The following LRCH1 variants were observed in gnomAD, a reference collection of about 807,000 sequenced individuals.
LRCH1 encodes leucine-rich repeat and calponin homology domain-containing protein 1.
In LRCH1, 23 loss-of-function variants were observed where a neutral mutation model predicts 94.9. That is an observed-to-expected ratio of 0.24 (90% CI 0.17 to 0.34). The LOEUF (loss-of-function observed/expected upper bound fraction) is 0.34, where lower values mean the gene tolerates loss of function less well. LRCH1 is among the 10% of genes least tolerant of loss of function. The pLI is 1.00. For missense variants in LRCH1, 790 were observed against 945.9 expected (o/e 0.84, Z 2.16); for synonymous variants, 364 against 354.9 (o/e 1.03, Z -0.29).
At chr13:46,564,318 G>A (rs1481987323) in intron 1 of LRCH1, among the ~76,000 whole-genome samples, 1 of 152,174 alleles carries the variant, frequency 6.6e-6, no homozygotes, top group Non-Finnish European at 1.5e-5. Context: ...AACCCACAAA[G>A]CCCTGTTTAA....
intron 19 of LRCH1, among the ~76,000 whole-genome samples, chr13:46,737,162 T>C (rs917208071): frequency 6.6e-6 from 1 of 152,152 alleles, no homozygotes; most frequent in Non-Finnish European, 1.5e-5. Flanking sequence ...TTCTCTAATA[T>C]CCAGGAAACA....
At chr13:46,673,913 T>C (rs762830059) in intron 3 of LRCH1, among the ~76,000 whole-genome samples, 4 of 152,190 alleles carry the variant, frequency 2.6e-5, no homozygotes, top group Admixed American at 2.0e-4. Context: ...CCCAACTAGC[T>C]GGGACTACAG....
intron 2 of LRCH1, among the ~76,000 whole-genome samples, chr13:46,657,500 C>CT (rs67588975): frequency 8.8e-5 from 1 of 11,392 alleles, no homozygotes; most frequent in Non-Finnish European, 1.6e-4. Flanking sequence ...CTTTTCTTTT[C>CT]TTTTTTTTTT....
chr13:46,591,996 C>A (rs548597053), intron 1 of LRCH1, among the ~76,000 whole-genome samples: 12 of 152,244 alleles, frequency 7.9e-5, no homozygotes, highest in Admixed American at 5.9e-4. Context: ...GTATTGGAAT[C>A]AAAAATAGAG....
chr13:46,737,756 T>C (rs1873455891), intron 19 of LRCH1, among the ~76,000 whole-genome samples: 1 of 152,208 alleles, frequency 6.6e-6, no homozygotes, highest in African/African-American at 2.4e-5. Flanking sequence ...CTCTTGGAGA[T>C]TCCTGACCTC....
At chr13:46,633,846 C>T (rs548332458) in intron 1 of LRCH1, among the ~76,000 whole-genome samples, 1 of 151,766 alleles carries the variant, frequency 6.6e-6, no homozygotes, top group East Asian at 1.9e-4. Flanking sequence ...TCCTCTCTCC[C>T]ACCATCACCT....
chr13:46,699,516 A>C, intron 10 of LRCH1, 113 bp downstream of exon 10: 1 of 879,072 alleles, frequency 1.1e-6, no homozygotes, highest in South Asian at 1.5e-5. Context: ...GCAAGCTGAT[A>C]TTCTTACAGA....
intron 1 of LRCH1, among the ~76,000 whole-genome samples, chr13:46,605,632 TG>T (rs1194580295): frequency 1.3e-5 from 2 of 152,230 alleles, no homozygotes; most frequent in Non-Finnish European, 2.9e-5. Context: ...TAAATATTTT[TG>T]TTGGGGATTC....
At chr13:46,634,409 A>G (rs1028675781) in intron 1 of LRCH1, among the ~76,000 whole-genome samples, 7 of 152,154 alleles carry the variant, frequency 4.6e-5, no homozygotes, top group East Asian at 1.9e-4. Context: ...CATGGCCTCT[A>G]GAGCTGGCTC....
intron 1 of LRCH1, among the ~76,000 whole-genome samples, chr13:46,557,743 T>C (rs2137892924): frequency 6.6e-6 from 1 of 152,072 alleles, no homozygotes; most frequent in East Asian, 2.0e-4. Context: ...CTCAGGAGGC[T>C]GAGGTGGGAG....
At chr13:46,747,181 G>A (rs972552103), downstream of LRCH1, among the ~76,000 whole-genome samples, 2 of 152,008 alleles carry the variant, frequency 1.3e-5, no homozygotes, top group Admixed American at 6.5e-5. Context: ...GGAGGATCTC[G>A]GACTCTGCAC....
intron 5 of LRCH1, among the ~76,000 whole-genome samples, chr13:46,687,093 G>A (rs1180021700): frequency 6.6e-6 from 1 of 151,396 alleles, no homozygotes; most frequent in Non-Finnish European, 1.5e-5. Flanking sequence ...TGAGTAGCTG[G>A]GACTACAGGC....
chr13:46,684,850 TGA>T (rs1870524852), intron 4 of LRCH1, among the ~76,000 whole-genome samples: 1 of 152,224 alleles, frequency 6.6e-6, no homozygotes, highest in Non-Finnish European at 1.5e-5. Flanking sequence ...CCTTGAATTC[TGA>T]GAGAGGTACT....
rs139951970 is a variant in LRCH1, at chr13:46,586,074, C to T, written c.307+32371C>T. Among the ~76,000 whole-genome samples the T allele has an allele frequency of 5.9e-5, 9 of 152,190 alleles. No individual in the cohort carries two copies. The East Asian group carries it at 1.7e-3, about 29-fold the overall frequency. ...TTTTGAGTTTTATAACTTTAAAAGCCTCGTGCATTCTTTTCACAGCTTCCA... is the reference window on the plus strand; with the variant it reads ...TTTTGAGTTTTATAACTTTAAAAGCTTCGTGCATTCTTTTCACAGCTTCCA... On this transcript the variant is annotated intron_variant, in intron 1 of 19. Transcript: ENST00000389797.
chr13:46,587,854 T>C lies in LRCH1; in HGVS notation c.307+34151T>C, dbSNP rs186012071. Among the ~76,000 whole-genome samples, 523 of 152,346 alleles carry C rather than the reference T, an allele frequency of 3.4e-3. 1 individual carries two copies. The highest frequency in any genetic ancestry group is 0.012 in the African/African-American group (497 of 41,570). On this transcript the variant is annotated intron_variant, in intron 1 of 19. Transcript: ENST00000389797. ...ACAGTGAAAATTCATATAGCACTTA[T>C]TATACACAGTGTATGAAATTAATAA...
chr13:46,712,387 T>G, intron 14 of LRCH1, 138 bp from the exon 15 acceptor site: 1 of 649,312 alleles, frequency 1.5e-6, no homozygotes, highest in Non-Finnish European at 2.7e-6. Context: ...TGATTTTTTT[T>G]GGCCAGGACT....
chr13:46,620,167 T>G (rs1387266937), intron 1 of LRCH1, among the ~76,000 whole-genome samples: 1 of 152,166 alleles, frequency 6.6e-6, no homozygotes, highest in Non-Finnish European at 1.5e-5. Flanking sequence ...CCCAGTGGCC[T>G]ATCCCCAGGC....
At chr13:46,659,940 C>T (rs1264481208) in intron 2 of LRCH1, among the ~76,000 whole-genome samples, 1 of 151,188 alleles carries the variant, frequency 6.6e-6, no homozygotes, top group African/African-American at 2.4e-5. Context: ...CAGTTGTTTA[C>T]AGAATTCTTA....
chr13:46,615,621 A>T (rs2138011926), intron 1 of LRCH1, among the ~76,000 whole-genome samples: 1 of 152,202 alleles, frequency 6.6e-6, no homozygotes, highest in Admixed American at 6.5e-5. Context: ...CTTCATCAAG[A>T]TATTCATGAT....
Sources: allele counts gnomAD v4.1 joint callset (sites outside exome capture counted in the v4.1 genomes callset), GRCh38; gene constraint gnomAD v4.1.1; transcripts MANE v1.5; gene names NCBI Gene and HGNC (gene_info 2026-07-23, HGNC 2026-07-21).